The following ROBO2 variants were observed in gnomAD, a reference collection of about 807,000 sequenced individuals.
The protein encoded by ROBO2 is roundabout guidance receptor 2.
A neutral mutation model predicts 160.8 loss-of-function variants in ROBO2; 53 were observed. That is an observed-to-expected ratio of 0.33 (90% CI 0.26 to 0.41). ROBO2 has a LOEUF of 0.41. Ranked by LOEUF, ROBO2 falls within the 10% of genes least tolerant of loss-of-function variation. The pLI is 1.00. For missense variants in ROBO2, 1,577 were observed against 1,722.4 expected, an observed-to-expected ratio of 0.92 and a Z score of 1.49; for synonymous variants, 664 against 611.7, an observed-to-expected ratio of 1.09 and a Z score of -1.26.
chr3:76,948,906 ATATTTTTT>A (rs1370091421), intron 2 of ROBO2, among the ~76,000 whole-genome samples: 35 of 20,850 alleles, frequency 1.7e-3, no homozygotes, highest in South Asian at 3.5e-3. Flanking sequence ...ATATATATAT[ATATTTTTT>A]TTTTTTTTTT....
intron 2 of ROBO2, among the ~76,000 whole-genome samples, chr3:76,808,630 G>A (rs1472169892): frequency 1.3e-5 from 2 of 152,056 alleles, no homozygotes; most frequent in African/African-American, 4.8e-5. Context: ...AAAATGGGTT[G>A]AATCATTCTA....
At chr3:76,455,825 T>C (rs1041705561) in intron 2 of ROBO2, among the ~76,000 whole-genome samples, 4 of 152,154 alleles carry the variant, frequency 2.6e-5, no homozygotes, top group Admixed American at 1.3e-4. Context: ...ATTAAGCAAA[T>C]GAATATTAGT....
chr3:77,289,558 C>G (rs567263075), intron 2 of ROBO2, among the ~76,000 whole-genome samples: 73 of 149,046 alleles, frequency 4.9e-4, no homozygotes, highest in African/African-American at 1.8e-3. Context: ...GTAAAATTGA[C>G]AGTTAAACGG....
chr3:76,016,220 AT>A (rs11364841), intron 2 of ROBO2, among the ~76,000 whole-genome samples: 151,467 of 152,018 alleles, frequency 1, 75,459 homozygotes, highest in Middle Eastern at 1. Context: ...CATTTATGTG[AT>A]TTTTTTTTAA....
intron 2 of ROBO2, among the ~76,000 whole-genome samples, chr3:76,555,681 A>G (rs2083743972): frequency 6.6e-6 from 1 of 152,112 alleles, no homozygotes; most frequent in Non-Finnish European, 1.5e-5. Context: ...CTTTTTTTAA[A>G]CCTAAGACAC....
chr3:77,388,831 A>G (rs2074403046), intron 2 of ROBO2, among the ~76,000 whole-genome samples: 1 of 152,372 alleles, frequency 6.6e-6, no homozygotes, highest in South Asian at 2.1e-4. Context: ...TGAAAGAGCC[A>G]TGTCTCTAAA....
chr3:77,387,201 T>C (rs1041601620), intron 2 of ROBO2, among the ~76,000 whole-genome samples: 1 of 151,514 alleles, frequency 6.6e-6, no homozygotes, highest in Non-Finnish European at 1.5e-5. Flanking sequence ...GGGTGTGTGA[T>C]TTAGAATGCT....
At chr3:76,903,055 A>C (rs2075341051) in intron 2 of ROBO2, among the ~76,000 whole-genome samples, 1 of 151,918 alleles carries the variant, frequency 6.6e-6, no homozygotes, top group African/African-American at 2.4e-5. Context: ...TGGCAGTTCA[A>C]TTTTATGTGA....
At chr3:77,307,390 G>A (rs1483395116) in intron 2 of ROBO2, among the ~76,000 whole-genome samples, 1 of 152,100 alleles carries the variant, frequency 6.6e-6, no homozygotes, top group African/African-American at 2.4e-5. Context: ...TCTTGGCTAA[G>A]GGATTGCAAA....
At chr3:77,491,676 C>T (rs1339865901) in intron 4 of ROBO2, among the ~76,000 whole-genome samples, 2 of 152,154 alleles carry the variant, frequency 1.3e-5, no homozygotes, top group Non-Finnish European at 2.9e-5. Flanking sequence ...CGTCTAAAAT[C>T]TTTAGATGCA....
chr3:76,959,075 G>T (rs1226312934), intron 2 of ROBO2, among the ~76,000 whole-genome samples: 2 of 152,092 alleles, frequency 1.3e-5, no homozygotes, highest in African/African-American at 4.8e-5. Flanking sequence ...GAAACATCTG[G>T]AATTCACAAC....
At position 76,444,989 on chromosome 3, in the gene ROBO2, G is replaced by A. The variant is rs532653338; in HGVS notation, c.109+507387G>A. Among the ~76,000 whole-genome samples the A allele has an allele frequency of 7.2e-5, 11 of 151,756 alleles. No homozygotes were observed. The South Asian group carries it at 2.3e-3, about 32-fold the overall frequency. On this transcript the variant is annotated intron_variant, in intron 2 of 26. Transcript: ENST00000487694. ...TTTTGTTTTTTCCCTGAGGTTTTTT[G>A]GAAATATGAAACATGCAGAATCAAC...
At chr3:77,030,197 G>A (rs1174315660) in intron 2 of ROBO2, among the ~76,000 whole-genome samples, 4 of 152,170 alleles carry the variant, frequency 2.6e-5, no homozygotes, top group Non-Finnish European at 5.9e-5. Flanking sequence ...GCCTGCCTCG[G>A]CCTCCCAGAG....
chr3:77,627,622 G>A (rs1488522753), intron 23 of ROBO2, among the ~76,000 whole-genome samples: 1 of 152,124 alleles, frequency 6.6e-6, no homozygotes, highest in African/African-American at 2.4e-5. Flanking sequence ...CATTCAATAT[G>A]TTTGAGTGAA....
intron 2 of ROBO2, among the ~76,000 whole-genome samples, chr3:77,208,069 A>G (rs890583400): frequency 2.0e-5 from 3 of 152,134 alleles, no homozygotes; most frequent in African/African-American, 7.2e-5. Flanking sequence ...GCGCATTAGA[A>G]CTAGCTGATG....
intron 2 of ROBO2, among the ~76,000 whole-genome samples, chr3:76,887,663 G>A (rs61503916): frequency 0.059 from 8,997 of 152,156 alleles, 366 homozygotes; most frequent in East Asian, 0.22. Context: ...GAGATTCTCT[G>A]ACAATTAAAT....
chr3:75,997,670 T>TG (rs1184057744), intron 2 of ROBO2, among the ~76,000 whole-genome samples: 1 of 151,972 alleles, frequency 6.6e-6, no homozygotes, highest in Admixed American at 6.6e-5. Context: ...TTTTTGTGTG[T>TG]TTTTAGTAGA....
chr3:76,983,057 G>A (rs1428679887), intron 2 of ROBO2, among the ~76,000 whole-genome samples: 8 of 151,870 alleles, frequency 5.3e-5, no homozygotes, highest in African/African-American at 9.7e-5. Flanking sequence ...AGGCCGAGGC[G>A]GGCAGATCAC....
intron 16 of ROBO2, among the ~76,000 whole-genome samples, chr3:77,581,365 CTA>C (rs2093914669): frequency 6.6e-6 from 1 of 151,916 alleles, no homozygotes; most frequent in South Asian, 2.1e-4. Flanking sequence ...TTAGTGCTTC[CTA>C]AGAAATTGTG....
Sources: allele counts gnomAD v4.1 joint callset (sites outside exome capture counted in the v4.1 genomes callset), GRCh38; gene constraint gnomAD v4.1.1; transcripts MANE v1.5; gene names NCBI Gene and HGNC (gene_info 2026-07-23, HGNC 2026-07-21).